RBFOX1: variants seen among roughly 807,000 people sequenced by gnomAD.
RBFOX1 encodes the protein RNA binding protein fox-1 homolog 1.
In RBFOX1, 8 loss-of-function variants were observed where a neutral mutation model predicts 57.7. The ratio of observed to expected loss-of-function variants is 0.14; its 90% CI spans 0.08 to 0.25. The LOEUF (loss-of-function observed/expected upper bound fraction) is 0.25, where lower values mean the gene tolerates loss of function less well. Ranked by LOEUF, RBFOX1 falls within the 10% of genes least tolerant of loss-of-function variation. RBFOX1 has a pLI of 1.00. For synonymous variants in RBFOX1, 326 were observed against 222.4 expected (o/e 1.47, Z -4.15); for missense variants, 611 against 548.5 (o/e 1.11, Z -1.14).
intron 4 of RBFOX1, among the ~76,000 whole-genome samples, chr16:5,962,816 TG>T (rs763568013): frequency 1.4e-4 from 17 of 123,906 alleles, no homozygotes; most frequent in Non-Finnish European, 2.2e-4. Flanking sequence ...AGTGAGGGTT[TG>T]GTTTTTTTTT....
At chr16:7,390,164 G>T (rs1453331423) in intron 4 of RBFOX1, among the ~76,000 whole-genome samples, 1 of 152,114 alleles carries the variant, frequency 6.6e-6, no homozygotes, top group Non-Finnish European at 1.5e-5. Context: ...TCTATCAAAA[G>T]AACAGCAAGG....
chr16:7,702,369 C>CT (rs1337816622), intron 14 of RBFOX1, among the ~76,000 whole-genome samples: 1 of 152,162 alleles, frequency 6.6e-6, no homozygotes, highest in African/African-American at 2.4e-5. Flanking sequence ...CCCCAAGAAG[C>CT]TGAGGGGACC....
intron 3 of RBFOX1, among the ~76,000 whole-genome samples, chr16:5,844,702 A>G (rs760814750): frequency 6.6e-6 from 1 of 152,224 alleles, no homozygotes; most frequent in African/African-American, 2.4e-5. Flanking sequence ...CCTTCTTAGA[A>G]TCGGATTAGT....
chr16:7,637,812 C>T (rs544879055), intron 11 of RBFOX1, among the ~76,000 whole-genome samples: 39 of 152,178 alleles, frequency 2.6e-4, no homozygotes, highest in Non-Finnish European at 5.0e-4. Context: ...AAGCAAGTGA[C>T]GTGCTCACTT....
chr16:6,612,130 C>A (rs891034285), intron 2 of RBFOX1, among the ~76,000 whole-genome samples: 3 of 152,112 alleles, frequency 2.0e-5, no homozygotes, highest in African/African-American at 7.2e-5. Flanking sequence ...TAGGGATTAT[C>A]CCTGGTAAGA....
chr16:7,186,738 A>G (rs974466455), intron 4 of RBFOX1, among the ~76,000 whole-genome samples: 7 of 150,254 alleles, frequency 4.7e-5, no homozygotes, highest in South Asian at 2.1e-4. Context: ...TAGAGATTCT[A>G]TATGAAGCAA....
intron 4 of RBFOX1, among the ~76,000 whole-genome samples, chr16:7,341,530 T>C (rs2096890291): frequency 6.6e-6 from 1 of 152,246 alleles, no homozygotes; most frequent in East Asian, 1.9e-4. Context: ...AAGATAGAAC[T>C]CTTGAGTCTC....
chr16:6,647,813 T>C (rs8047214), intron 2 of RBFOX1, among the ~76,000 whole-genome samples: 114,633 of 152,040 alleles, frequency 0.75, 43,329 homozygotes, highest in Admixed American at 0.84. Context: ...TAGCTCACTG[T>C]AGCCTTGACT....
intron 2 of RBFOX1, among the ~76,000 whole-genome samples, chr16:6,323,721 G>A (rs2082058963): frequency 6.6e-6 from 1 of 151,560 alleles, no homozygotes; most frequent in Non-Finnish European, 1.5e-5. Context: ...TAAATTTAGA[G>A]GTTGCAAGTA....
At chr16:5,543,101 A>T (rs140671419) in intron 2 of RBFOX1, among the ~76,000 whole-genome samples, 122 of 152,336 alleles carry the variant, frequency 8.0e-4, no homozygotes, top group Non-Finnish European at 1.6e-3. Context: ...CTTAAAAATA[A>T]GTCTTAAAGG....
intron 1 of RBFOX1, among the ~76,000 whole-genome samples, chr16:5,351,766 A>G (rs1157003724): frequency 6.6e-6 from 1 of 151,978 alleles, no homozygotes; most frequent in East Asian, 1.9e-4. Context: ...TCTGTCTCGG[A>G]TGTTTGCTTG....
At chr16:5,992,019 A>G (rs1044910045) in intron 4 of RBFOX1, among the ~76,000 whole-genome samples, 3 of 152,212 alleles carry the variant, frequency 2.0e-5, no homozygotes, top group Admixed American at 6.5e-5. Flanking sequence ...AGATTTGTAA[A>G]AATGCATATA....
chr16:6,788,563 C>A (rs1276043289), intron 3 of RBFOX1, among the ~76,000 whole-genome samples: 1 of 151,890 alleles, frequency 6.6e-6, no homozygotes, highest in Non-Finnish European at 1.5e-5. Context: ...GCAAGCTCTG[C>A]CTTCTGGGTT....
intron 2 of RBFOX1, among the ~76,000 whole-genome samples, chr16:5,504,721 C>T (rs558139188): frequency 4.3e-4 from 65 of 152,326 alleles, no homozygotes; most frequent in African/African-American, 1.5e-3. Context: ...ATAATCCTCC[C>T]TGCAGCTCTG....
intron 15 of RBFOX1, among the ~76,000 whole-genome samples, 164 bp downstream of exon 15, chr16:7,709,295 T>C (rs866139838): frequency 6.6e-6 from 1 of 152,352 alleles, no homozygotes; most frequent in Middle Eastern, 3.4e-3. Context: ...GTAAACTTGA[T>C]AAATGTCTTA....
At chr16:5,362,915 C>T (rs956478313) in intron 1 of RBFOX1, among the ~76,000 whole-genome samples, 4 of 151,964 alleles carry the variant, frequency 2.6e-5, no homozygotes. Flanking sequence ...TACCATGCTT[C>T]CTTATCCATT....
chr16:6,130,638 C>G (rs1038712423), intron 1 of RBFOX1, among the ~76,000 whole-genome samples: 1 of 152,136 alleles, frequency 6.6e-6, no homozygotes, highest in Non-Finnish European at 1.5e-5. Flanking sequence ...AGAGACTCGT[C>G]TTAAATACAG....
intron 2 of RBFOX1, among the ~76,000 whole-genome samples, chr16:6,363,486 C>T (rs1003966430): frequency 1.3e-5 from 2 of 152,134 alleles, no homozygotes; most frequent in Non-Finnish European, 1.5e-5. Flanking sequence ...GATGGGTTTA[C>T]TTATTTGTTT....
chr16:6,894,978 A>T (rs906310364), intron 3 of RBFOX1, among the ~76,000 whole-genome samples: 1 of 152,116 alleles, frequency 6.6e-6, no homozygotes, highest in Non-Finnish European at 1.5e-5. Context: ...TTCCAGAACT[A>T]ACAGAGACTC....
Sources: allele counts gnomAD v4.1 joint callset (sites outside exome capture counted in the v4.1 genomes callset), GRCh38; gene constraint gnomAD v4.1.1; transcripts MANE v1.5; gene names NCBI Gene and HGNC (gene_info 2026-07-23, HGNC 2026-07-21).